Variants in TGM6 observed in about 807,000 individuals in gnomAD.
The protein encoded by TGM6 is transglutaminase 6.
A neutral mutation model predicts 77.5 loss-of-function variants in TGM6; 74 were observed. The ratio of observed to expected loss-of-function variants is 0.96; its 90% confidence interval spans 0.79 to 1.16. The LOEUF (loss-of-function observed/expected upper bound fraction) is 1.16. Among genes scored for constraint, TGM6 ranks in the 50% most tolerant of loss-of-function variants. The pLI is 0.00. For missense variants in TGM6, 968 were observed against 940.2 expected (o/e 1.03, Z -0.39); for synonymous variants, 383 against 378.9 (o/e 1.01, Z -0.12).
intron 10 of TGM6, among the ~76,000 whole-genome samples, chr20:2,428,653 A>G (rs2084904637): frequency 6.6e-6 from 1 of 151,840 alleles, no homozygotes; most frequent in African/African-American, 2.4e-5. Context: ...TGTTTTTGAT[A>G]TTATTATCAA....
chr20:2,399,888 C>T, intron 6 of TGM6, 150 bp downstream of exon 6: 3 of 761,986 alleles, frequency 3.9e-6, no homozygotes, highest in Admixed American at 2.8e-5. Context: ...AGAGAGAAGC[C>T]AGAGAATTTA....
chr20:2,422,794 CA>C (rs1039883541), intron 10 of TGM6, among the ~76,000 whole-genome samples: 1 of 150,952 alleles, frequency 6.6e-6, no homozygotes, highest in African/African-American at 2.4e-5. Flanking sequence ...AGGAAGAAAA[CA>C]AAAAAAATTA....
At chr20:2,386,846 C>A (rs2084599825) in intron 1 of TGM6, among the ~76,000 whole-genome samples, 1 of 152,128 alleles carries the variant, frequency 6.6e-6, no homozygotes, top group Non-Finnish European at 1.5e-5. Flanking sequence ...GAGCTTGAAC[C>A]CATGACCCAG....
chr20:2,398,835 T>A (rs1274200647), intron 5 of TGM6, among the ~76,000 whole-genome samples: 1 of 151,804 alleles, frequency 6.6e-6, no homozygotes, highest in Non-Finnish European at 1.5e-5. Flanking sequence ...GCCCACCACC[T>A]CCCTCTACCA....
chr20:2,404,592 C>T (rs1031334922), intron 9 of TGM6, among the ~76,000 whole-genome samples: 5 of 152,160 alleles, frequency 3.3e-5, no homozygotes, highest in African/African-American at 9.6e-5. Context: ...AACACCTCCT[C>T]GCCTCCCTTT....
At chr20:2,394,431 C>T in intron 1 of TGM6, 21 bp from the exon 2 acceptor site, 1 of 1,610,924 alleles carries the variant, frequency 6.2e-7, no homozygotes, top group Non-Finnish European at 8.5e-7. Context: ...GGCCTCATCT[C>T]CCTGTCCTCT....
chr20:2,417,245 G>C lies in TGM6; in HGVS notation c.1350G>C (p.Glu450Asp). ...LYKYPEGSRK[E>D]RQVYSKAVNR... ...GATGCCCTGCAGGGTCCCGGAAAGAGAGGCAGGTGTACAGCAAGGCGGTGA... is the reference window on the plus strand; with the variant it reads ...GATGCCCTGCAGGGTCCCGGAAAGACAGGCAGGTGTACAGCAAGGCGGTGA... The change falls in exon 10 of 13, where the codon GAG becomes GAC. Residue 450 changes from glutamate (E) to aspartate (D), a missense_variant. By Grantham distance (45) the Glu-to-Asp change is conservative (BLOSUM62 2). Transcript: ENST00000202625. 1.2e-6 allele frequency: 2 copies of C among 1,603,632 alleles called. No homozygotes were observed. The highest frequency in any genetic ancestry group is 1.7e-4 in the Middle Eastern group (1 of 6,050).
intron 9 of TGM6, among the ~76,000 whole-genome samples, chr20:2,415,775 T>C (rs2084811978): frequency 6.6e-6 from 1 of 151,976 alleles, no homozygotes; most frequent in African/African-American, 2.4e-5. Flanking sequence ...TGCTGCGCAG[T>C]TGGTGGGTTT....
At chr20:2,414,934 TGG>T (rs796313071) in intron 9 of TGM6, among the ~76,000 whole-genome samples, 7 of 28,692 alleles carry the variant, frequency 2.4e-4, no homozygotes, top group African/African-American at 6.7e-4. Flanking sequence ...TTACAGAATT[TGG>T]GGGGGGGGGT....
chr20:2,411,875 G>A (rs2084786271), intron 9 of TGM6, among the ~76,000 whole-genome samples: 1 of 152,136 alleles, frequency 6.6e-6, no homozygotes, highest in Non-Finnish European at 1.5e-5. Context: ...TGAATATGTT[G>A]CCAAAATATT....
intron 9 of TGM6, among the ~76,000 whole-genome samples, chr20:2,408,333 A>G (rs2084765130): frequency 1.3e-5 from 2 of 152,156 alleles, no homozygotes; most frequent in Non-Finnish European, 2.9e-5. Context: ...TTGGCACAAG[A>G]TGCTTTCTTT....
intron 7 of TGM6, among the ~76,000 whole-genome samples, chr20:2,401,194 T>A (rs1168700713): frequency 8.0e-6 from 1 of 125,782 alleles, no homozygotes; most frequent in African/African-American, 3.0e-5. Flanking sequence ...GGTGACAGAG[T>A]GAGACTTCGT....
rs141990961 is a variant in TGM6 at position 2,400,429 on chromosome 20, C to T, written c.974C>T (p.Thr325Ile). The T allele has an allele frequency of 4.3e-6, 7 of 1,614,196 alleles. No individual in the cohort carries two copies. In the Admixed American group the frequency reaches 5.0e-5, roughly 12 times the overall value. Reference sequence around the variant, plus strand: ...TTCGGGCGGACCCTGGAGGACCTGACAGAAGACAGCATGTGGTGGGTCCTG... The same window carrying T: ...TTCGGGCGGACCCTGGAGGACCTGATAGAAGACAGCATGTGGTGGGTCCTG... ...DSFGRTLEDL[T>I]EDSMWNFHVW... Residue 325 changes from threonine (T) to isoleucine (I), a missense_variant, in exon 7 of 13, where the codon ACA (threonine) becomes ATA (isoleucine). Physicochemically the swap from Thr to Ile is moderately conservative, Grantham distance 89. Transcript: ENST00000202625.
chr20:2,413,653 T>C (rs1230004164), intron 9 of TGM6, among the ~76,000 whole-genome samples: 2 of 152,096 alleles, frequency 1.3e-5, no homozygotes, highest in Non-Finnish European at 2.9e-5. Flanking sequence ...AAGAATGAAG[T>C]TGTTATACCC....
chr20:2,421,050 G>A (rs920868035), intron 10 of TGM6, among the ~76,000 whole-genome samples: 4 of 151,962 alleles, frequency 2.6e-5, no homozygotes, highest in East Asian at 1.9e-4. Flanking sequence ...GCAGTGGTGC[G>A]ATTTTGGCTC....
chr20:2,411,685 A>T (rs1027586505), intron 9 of TGM6, among the ~76,000 whole-genome samples: 4 of 152,178 alleles, frequency 2.6e-5, no homozygotes, highest in Admixed American at 1.3e-4. Context: ...TATCTTTTTT[A>T]AAATTGTATT....
intron 4 of TGM6, 139 bp downstream of exon 4, chr20:2,396,763 A>G: frequency 2.5e-6 from 2 of 787,910 alleles, no homozygotes; most frequent in African/African-American, 1.7e-5. Context: ...TCATTCATTC[A>G]TTCATCTACT....
chr20:2,422,599 A>C (rs1599967698), intron 10 of TGM6, among the ~76,000 whole-genome samples: 1 of 152,162 alleles, frequency 6.6e-6, no homozygotes, highest in Non-Finnish European at 1.5e-5. Flanking sequence ...TAAAAAATAT[A>C]TACACCTTAA....
chr20:2,424,492 G>T (rs2122427757), intron 10 of TGM6, among the ~76,000 whole-genome samples: 1 of 152,286 alleles, frequency 6.6e-6, no homozygotes, highest in South Asian at 2.1e-4. Flanking sequence ...AATCCTTATA[G>T]AATTGAAGAG....
Sources: gnomAD v4.1 joint callset for allele counts (sites outside exome capture counted in the v4.1 genomes callset) on GRCh38, gnomAD v4.1.1 for gene constraint, MANE v1.5 for transcripts, NCBI Gene and HGNC (gene_info 2026-07-23, HGNC 2026-07-21) for gene names.